EDIL3: variants seen among roughly 807,000 people sequenced by gnomAD.
EDIL3 encodes EGF-like repeat and discoidin I-like domain-containing protein 3.
In EDIL3, 37 loss-of-function variants were observed where a neutral mutation model predicts 67.4. The observed-to-expected ratio is 0.55, with a 90% CI of 0.42 to 0.72. The LOEUF is 0.72. Among genes scored for constraint, EDIL3 ranks in the 30% least tolerant of loss-of-function variants. The probability of loss-of-function intolerance (pLI) is 0.00; values close to 1 mark genes in which losing one functional copy is unlikely to be tolerated. For synonymous variants in EDIL3, 195 were observed against 196.3 expected (o/e 0.99, Z 0.05); for missense variants, 527 against 586.3 (o/e 0.90, Z 1.04).
At chr5:84,180,110 C>T (rs562525227) in intron 4 of EDIL3, among the ~76,000 whole-genome samples, 10 of 151,638 alleles carry the variant, frequency 6.6e-5, no homozygotes, top group Admixed American at 6.6e-4. Flanking sequence ...AGACAGATAT[C>T]AGTTTAATGT....
intron 5 of EDIL3, among the ~76,000 whole-genome samples, chr5:84,126,702 TA>T (rs1747875611): frequency 6.6e-6 from 1 of 152,120 alleles, no homozygotes; most frequent in Admixed American, 6.6e-5. Context: ...AGTCATCCAA[TA>T]ATACAAATAA....
At chr5:84,139,616 A>G (rs1282660305) in intron 4 of EDIL3, among the ~76,000 whole-genome samples, 5 of 152,102 alleles carry the variant, frequency 3.3e-5, no homozygotes, top group African/African-American at 7.2e-5. Context: ...CTCTACTACA[A>G]TTTGTTTTAG....
At chr5:83,972,272 C>T (rs1744806223) in intron 9 of EDIL3, among the ~76,000 whole-genome samples, 1 of 152,120 alleles carries the variant, frequency 6.6e-6, no homozygotes. Flanking sequence ...GTACTGACTA[C>T]AGCAAGATGT....
chr5:84,376,108 C>T (rs1242443846), intron 1 of EDIL3, among the ~76,000 whole-genome samples: 2 of 152,172 alleles, frequency 1.3e-5, no homozygotes, highest in South Asian at 2.1e-4. Flanking sequence ...TAACATGCTA[C>T]TTAGTAGCTC....
At chr5:84,367,835 T>G (rs1172913165) in intron 1 of EDIL3, among the ~76,000 whole-genome samples, 2 of 152,158 alleles carry the variant, frequency 1.3e-5, no homozygotes, top group Non-Finnish European at 2.9e-5. Context: ...TTGTTTATTT[T>G]CCGTTTCTCT....
intron 3 of EDIL3, among the ~76,000 whole-genome samples, chr5:84,182,356 T>C (rs530425382): frequency 1.3e-5 from 2 of 151,366 alleles, no homozygotes; most frequent in African/African-American, 4.9e-5. Flanking sequence ...CTTAGGAGGC[T>C]GAGGTGGGAG....
intron 2 of EDIL3, among the ~76,000 whole-genome samples, chr5:84,251,028 A>C (rs1194437920): frequency 6.6e-6 from 1 of 152,056 alleles, no homozygotes; most frequent in Non-Finnish European, 1.5e-5. Context: ...ATTCCAATAC[A>C]CTCTGTTTCC....
chr5:84,128,801 TAA>T (rs1282051284), intron 5 of EDIL3, among the ~76,000 whole-genome samples: 4 of 152,120 alleles, frequency 2.6e-5, no homozygotes, highest in Admixed American at 2.0e-4. Context: ...CTGGAAAATA[TAA>T]GAGCAAGTTT....
chr5:84,106,803 C>T lies in EDIL3; in HGVS notation c.497G>A (p.Gly166Asp). Reference sequence around the variant, plus strand: ...GATTTGCTGGTTTGATATAATTCCACCTTCAATTCCCAGTGGGCCTGAGCA... The same window carrying T: ...GATTTGCTGGTTTGATATAATTCCATCTTCAATTCCCAGTGGGCCTGAGCA... ...YKCSGPLGIE[G>D]GIISNQQITA... Residue 166 changes from glycine (G) to aspartate (D), a missense_variant, in exon 6 of 11, where the codon GGT (glycine) becomes GAT (aspartate). Gly to Asp is a moderately conservative substitution (Grantham distance 94). Coordinates refer to ENST00000296591, the MANE Select transcript of EDIL3 (RefSeq NM_005711.5). The T allele has an allele frequency of 1.9e-6, 3 of 1,608,276 alleles. No individual in the cohort carries two copies. Among genetic ancestry groups the T allele is most frequent in the South Asian group, 1.1e-5 (1 of 89,776 alleles).
chr5:84,094,815 T>C (rs1747235340), intron 6 of EDIL3, among the ~76,000 whole-genome samples: 2 of 152,214 alleles, frequency 1.3e-5, no homozygotes, highest in Admixed American at 6.5e-5. Context: ...ATGCAGAAGG[T>C]ATATGGTTTT....
chr5:84,289,734 T>C (rs1046511312), intron 1 of EDIL3, among the ~76,000 whole-genome samples: 1 of 152,198 alleles, frequency 6.6e-6, no homozygotes, highest in African/African-American at 2.4e-5. Context: ...TTCCATTCCT[T>C]TGACTAACCT....
intron 4 of EDIL3, among the ~76,000 whole-genome samples, chr5:84,160,786 TTTCCTTTCCTTTCCTTTCC>T: frequency 5.9e-5 from 4 of 68,030 alleles, no homozygotes; most frequent in African/African-American, 1.4e-4. Context: ...TTTCCTTTCC[TTTCCTTTCCTTTCCTTTCC>T]TTTCCTTTCC....
chr5:84,298,312 G>A (rs1397905334), intron 1 of EDIL3, among the ~76,000 whole-genome samples: 2 of 152,168 alleles, frequency 1.3e-5, no homozygotes, highest in African/African-American at 4.8e-5. Context: ...AAAAAGGAAT[G>A]AGATCATGTC....
At chr5:83,986,460 T>C (rs1580266128) in intron 9 of EDIL3, among the ~76,000 whole-genome samples, 1 of 152,156 alleles carries the variant, frequency 6.6e-6, no homozygotes, top group East Asian at 1.9e-4. Flanking sequence ...TTGAGGCTCT[T>C]TTCCATTTGA....
intron 9 of EDIL3, among the ~76,000 whole-genome samples, chr5:84,052,416 G>A (rs13170684): frequency 0.36 from 54,957 of 151,154 alleles, 11,128 homozygotes; most frequent in African/African-American, 0.55. Context: ...GAGCAAAATA[G>A]CCAGCTAACA....
intron 9 of EDIL3, among the ~76,000 whole-genome samples, chr5:84,047,200 T>G (rs1333700450): frequency 2.0e-5 from 3 of 152,182 alleles, no homozygotes; most frequent in African/African-American, 7.2e-5. Context: ...GTTAATCTAT[T>G]TCCTTCTCTT....
At chr5:84,027,545 A>AC (rs1745838083) in intron 9 of EDIL3, among the ~76,000 whole-genome samples, 17 of 60,506 alleles carry the variant, frequency 2.8e-4, no homozygotes, top group Admixed American at 2.6e-3. Flanking sequence ...GACACCATCC[A>AC]TTTTTATTTT....
chr5:84,300,296 G>T (rs1044859368), intron 1 of EDIL3, among the ~76,000 whole-genome samples: 3 of 152,162 alleles, frequency 2.0e-5, no homozygotes, highest in Admixed American at 2.0e-4. Context: ...GAATTCAGGT[G>T]GGAATGGTTC....
intron 1 of EDIL3, among the ~76,000 whole-genome samples, chr5:84,312,376 C>G (rs572240283): frequency 7.6e-6 from 1 of 130,914 alleles, no homozygotes; most frequent in Non-Finnish European, 1.6e-5. Flanking sequence ...GCTGGCCGGG[C>G]GGGGGGCTGA....
Sources: gnomAD v4.1 joint callset for allele counts (sites outside exome capture counted in the v4.1 genomes callset) on GRCh38, gnomAD v4.1.1 for gene constraint, MANE v1.5 for transcripts, NCBI Gene and HGNC (gene_info 2026-07-23, HGNC 2026-07-21) for gene names.